Variants in CECR2 observed in about 807,000 individuals in gnomAD.
CECR2 encodes the protein CECR2 histone acetyl-lysine reader.
A neutral mutation model predicts 154.5 loss-of-function variants in CECR2; 30 were observed. That is an observed-to-expected ratio of 0.19 (90% CI 0.15 to 0.26). The LOEUF (loss-of-function observed/expected upper bound fraction) is 0.26, where lower values mean the gene tolerates loss of function less well. Among genes scored for constraint, CECR2 ranks in the 10% least tolerant of loss-of-function variants. The pLI, the probability that CECR2 is intolerant of heterozygous loss-of-function variation, is 1.00. For missense variants in CECR2, 1,743 were observed against 1,829.3 expected (o/e 0.95, Z 0.86); for synonymous variants, 725 against 683.7 (o/e 1.06, Z -0.94).
At chr22:17,494,430 C>T (rs781357424) in intron 2 of CECR2, among the ~76,000 whole-genome samples, 15 of 152,196 alleles carry the variant, frequency 9.9e-5, no homozygotes, top group African/African-American at 2.4e-4. Flanking sequence ...TTGCCCGGCT[C>T]CTCACTCTGG....
chr22:17,367,454 C>T (rs2063008160), upstream of CECR2, among the ~76,000 whole-genome samples: 1 of 152,094 alleles, frequency 6.6e-6, no homozygotes, highest in East Asian at 1.9e-4. Flanking sequence ...GGCGAGATCT[C>T]GGCTCATTGC....
chr22:17,372,952 A>G (rs1225559753), intron 1 of CECR2, among the ~76,000 whole-genome samples: 1 of 152,206 alleles, frequency 6.6e-6, no homozygotes, highest in Non-Finnish European at 1.5e-5. Context: ...AATCTCTAAG[A>G]CAGGTGAAGG....
At chr22:17,469,592 TG>T (rs1409772134) in intron 1 of CECR2, among the ~76,000 whole-genome samples, 25 of 118,658 alleles carry the variant, frequency 2.1e-4, no homozygotes, top group African/African-American at 6.2e-4. Context: ...ATGATAACAT[TG>T]TTTTTTTTTT....
rs748730069 is a variant in CECR2, at chr22:17,541,820, T to C, written c.1885-19T>C. 6.3e-6 allele frequency: 10 copies of C among 1,594,520 alleles called. No homozygotes were observed. The highest frequency in any genetic ancestry group is 1.8e-5 in the Admixed American group (1 of 55,886). ...TGCCTTTCCTTTTTCCTCTTCTTGC[T>C]TTGTTCAATGTGCTGCAGAGGCCAG... On this transcript the variant is annotated intron_variant, in intron 14 of 18. Transcript: ENST00000262608.
intron 1 of CECR2, among the ~76,000 whole-genome samples, chr22:17,457,791 A>G (rs1309507605): frequency 6.6e-6 from 1 of 152,242 alleles, no homozygotes; most frequent in African/African-American, 2.4e-5. Flanking sequence ...AAAGCATGGT[A>G]CAGCCATTCC....
intron 1 of CECR2, among the ~76,000 whole-genome samples, chr22:17,382,128 G>C (rs1465853288): frequency 3.3e-5 from 5 of 151,514 alleles, no homozygotes; most frequent in Non-Finnish European, 5.9e-5. Flanking sequence ...CTGACCTTGT[G>C]ATCCGCCCGC....
At chr22:17,508,570 A>G (rs369325174) in intron 7 of CECR2, among the ~76,000 whole-genome samples, 3 of 152,006 alleles carry the variant, frequency 2.0e-5, no homozygotes, top group African/African-American at 7.3e-5. Flanking sequence ...GGTTGTATAT[A>G]GTAGACTACA....
chr22:17,471,505 G>T (rs1307339067), intron 1 of CECR2, among the ~76,000 whole-genome samples: 1 of 151,964 alleles, frequency 6.6e-6, no homozygotes, highest in Non-Finnish European at 1.5e-5. Context: ...TAATATGAGT[G>T]TGGGGTTTTT....
chr22:17,444,617 TA>T (rs200512533), intron 1 of CECR2, among the ~76,000 whole-genome samples: 87 of 143,164 alleles, frequency 6.1e-4, no homozygotes, highest in Middle Eastern at 3.6e-3. Context: ...AGACTCCACC[TA>T]AAAAAAAAAA....
chr22:17,391,341 A>G (rs2063323542), intron 1 of CECR2, among the ~76,000 whole-genome samples: 1 of 152,204 alleles, frequency 6.6e-6, no homozygotes, highest in Non-Finnish European at 1.5e-5. Flanking sequence ...GTTATCCTAG[A>G]TGTAGGGAAA....
At chr22:17,373,699 A>G (rs2063086441) in intron 1 of CECR2, among the ~76,000 whole-genome samples, 1 of 152,084 alleles carries the variant, frequency 6.6e-6, no homozygotes, top group Admixed American at 6.6e-5. Flanking sequence ...TAGTTGATAT[A>G]AACAGATGAA....
chr22:17,545,984 C>T (rs903413172), intron 16 of CECR2, among the ~76,000 whole-genome samples: 8 of 151,194 alleles, frequency 5.3e-5, no homozygotes, highest in Admixed American at 3.3e-4. Flanking sequence ...CCCTGGAGTT[C>T]GAGGTTTCAG....
chr22:17,414,770 C>G (rs1165166338), intron 1 of CECR2, among the ~76,000 whole-genome samples: 1 of 151,936 alleles, frequency 6.6e-6, no homozygotes, highest in Non-Finnish European at 1.5e-5. Flanking sequence ...TTCACATGCT[C>G]TCTAGGACGG....
intron 2 of CECR2, among the ~76,000 whole-genome samples, chr22:17,483,026 G>A (rs555376969): frequency 1.3e-5 from 2 of 152,196 alleles, no homozygotes; most frequent in East Asian, 1.9e-4. Flanking sequence ...AGCCTCAGGC[G>A]GTCCTTCAGA....
chr22:17,476,228 ATAGCG>A lies in CECR2; in HGVS notation c.127-1358_127-1354del, dbSNP rs1439008730. ...AGTAACCCTTTTCTTCTCAGCTCCC[ATAGCG>A]TGTTTTCTGTACCTGCTAGTACTGA... On this transcript the variant is annotated intron_variant, in intron 1 of 18. Coordinates refer to ENST00000262608, the MANE Select transcript of CECR2 (RefSeq NM_001290047.2). Among the ~76,000 whole-genome samples the A allele has an allele frequency of 2.7e-4, 41 of 150,666 alleles. No individual in the cohort carries two copies. In the Admixed American group the frequency reaches 2.7e-3, roughly 10 times the overall value.
chr22:17,431,550 G>C (rs1159543839), intron 1 of CECR2, among the ~76,000 whole-genome samples: 1 of 152,162 alleles, frequency 6.6e-6, no homozygotes, highest in Non-Finnish European at 1.5e-5. Flanking sequence ...TTTGCATGTA[G>C]ATCTTGAATA....
intron 9 of CECR2, among the ~76,000 whole-genome samples, chr22:17,526,853 T>C (rs992678931): frequency 2.8e-5 from 4 of 141,052 alleles, no homozygotes; most frequent in Non-Finnish European, 6.2e-5. Flanking sequence ...AGACCTCAAA[T>C]TATGAAACTC....
chr22:17,548,991 C>T lies in CECR2; in HGVS notation c.3704C>T (p.Ser1235Phe), dbSNP rs1188591297. 6.2e-7 allele frequency: 1 copy of T among 1,614,002 alleles called. No homozygotes were observed. The highest frequency in any genetic ancestry group is 1.7e-5 in the Admixed American group (1 of 60,016). The change falls in exon 17 of 19, where the codon TCC becomes TTC. Residue 1235 changes from serine (S) to phenylalanine (F), a missense_variant. Physicochemically the swap from Ser to Phe is radical, Grantham distance 155. Around this residue, in one of 4 missense-constraint regions of CECR2, gnomAD observed 1,250 missense variants for 1,192.1 expected, o/e 1.05. Transcript: ENST00000262608. ...GCCAGTCAGCCTCCCCCACCAAGGT[C>T]CCTCTTCTCAGATAAGAATGCCATG... ...PPASQPPPPR[S>F]LFSDKNAMAS...
intron 1 of CECR2, among the ~76,000 whole-genome samples, chr22:17,443,275 T>C (rs2054611064): frequency 6.6e-6 from 1 of 152,246 alleles, no homozygotes; most frequent in African/African-American, 2.4e-5. Flanking sequence ...TTTTTAGTTT[T>C]AACAGTCAAT....
Sources: allele counts gnomAD v4.1 joint callset (sites outside exome capture counted in the v4.1 genomes callset), GRCh38; gene constraint gnomAD v4.1.1; regional missense constraint gnomAD v4.1.1; transcripts MANE v1.5; gene names NCBI Gene and HGNC (gene_info 2026-07-23, HGNC 2026-07-21).